The following KCNK2 variants were observed in gnomAD, a reference collection of about 807,000 sequenced individuals.
The protein encoded by KCNK2 is potassium channel subfamily K member 2.
In KCNK2, 21 loss-of-function variants were observed where a neutral mutation model predicts 40.5. The ratio of observed to expected loss-of-function variants is 0.52; its 90% confidence interval spans 0.37 to 0.75. KCNK2 has a LOEUF of 0.75. Ranked by LOEUF, KCNK2 falls within the 30% of genes least tolerant of loss-of-function variation. The pLI is 0.00. For missense variants in KCNK2, 399 were observed against 531.6 expected (o/e 0.75, Z 2.45); for synonymous variants, 191 against 202.2 (o/e 0.94, Z 0.47).
At chr1:215,064,321 G>A (rs566328660) in intron 1 of KCNK2, among the ~76,000 whole-genome samples, 4 of 151,756 alleles carry the variant, frequency 2.6e-5, no homozygotes, top group African/African-American at 4.8e-5. Flanking sequence ...GTGTGTGTAC[G>A]TGTTTTTGTT....
Position 215,148,080 on chromosome 1 carries a change from C to CTTTCTTT in KCNK2, c.476-21116_476-21115insCTTTTTT, listed in dbSNP as rs1553267720. ...ATTATTATTTTTTTATTTTCTTTTC[C>CTTTCTTT]TTTTTTTTTTTTTTTTTTGGCAGGG... On this transcript the variant is annotated intron_variant, in intron 3 of 6. Transcript: ENST00000444842. Among the ~76,000 whole-genome samples the CTTTCTTT allele has an allele frequency of 1.1e-3, 123 of 111,126 alleles. 11 individuals are homozygous for CTTTCTTT. Among genetic ancestry groups the CTTTCTTT allele is most frequent in the African/African-American group, 3.4e-3 (90 of 26,764 alleles). 72.9% of individuals were successfully genotyped at this position (111,126 alleles called of 152,430 possible). A position where few individuals can be genotyped will look rare whatever the true frequency, so the allele number is the denominator to read the frequency against.
chr1:215,161,703 T>A (rs998493985), intron 3 of KCNK2, among the ~76,000 whole-genome samples: 16 of 152,128 alleles, frequency 1.1e-4, no homozygotes, highest in Non-Finnish European at 2.4e-4. Flanking sequence ...CTGTGTTGCT[T>A]GCTGAGAATG....
At chr1:215,149,371 A>G (rs1662583302) in intron 3 of KCNK2, among the ~76,000 whole-genome samples, 1 of 152,170 alleles carries the variant, frequency 6.6e-6, no homozygotes, top group African/African-American at 2.4e-5. Flanking sequence ...GGAGAAGGAA[A>G]AGATTAAGGT....
At chr1:215,167,516 T>C (rs971651635) in intron 3 of KCNK2, among the ~76,000 whole-genome samples, 4 of 152,150 alleles carry the variant, frequency 2.6e-5, no homozygotes, top group Non-Finnish European at 5.9e-5. Flanking sequence ...ACAGTGCTTC[T>C]GCTATTAAAA....
chr1:215,209,455 A>T (rs1228455536), intron 6 of KCNK2, among the ~76,000 whole-genome samples: 7 of 20,540 alleles, frequency 3.4e-4, no homozygotes, highest in Non-Finnish European at 5.8e-4. Flanking sequence ...AATATATATT[A>T]TATATTATAT....
Position 215,235,765 on chromosome 1 carries a change from A to G in KCNK2, c.*620A>G, listed in dbSNP as rs1666856357. 6.6e-6 allele frequency: 1 copy of G among 152,626 alleles called. No homozygotes were observed. Among genetic ancestry groups the G allele is most frequent in the African/African-American group, 2.4e-5 (1 of 41,436 alleles). The allele number at this position is 152,626 out of a possible 1,614,324, so 9.5% of individuals were successfully genotyped here. On this transcript the variant is annotated 3_prime_UTR_variant, in exon 7 of 7. Coordinates refer to ENST00000444842, the MANE Select transcript of KCNK2 (RefSeq NM_001017425.3). ...CTTGCTGGAAACAGTGTGTAAAATGACTGAAGTGATGATGCCCGAAGATGA... is the reference window on the plus strand; with the variant it reads ...CTTGCTGGAAACAGTGTGTAAAATGGCTGAAGTGATGATGCCCGAAGATGA...
chr1:215,185,846 A>G (rs1267932920), intron 5 of KCNK2, among the ~76,000 whole-genome samples: 1 of 152,242 alleles, frequency 6.6e-6, no homozygotes, highest in Non-Finnish European at 1.5e-5. Context: ...GAGGAGGATC[A>G]GGGTTCAGCT....
chr1:215,070,500 T>A (rs1387030512), intron 1 of KCNK2, among the ~76,000 whole-genome samples: 3 of 146,892 alleles, frequency 2.0e-5, no homozygotes, highest in African/African-American at 7.5e-5. Context: ...GGCCTCACAA[T>A]CATGGCTGAA....
rs375480163 is a variant in KCNK2 at position 215,083,363 on chromosome 1, A to T, written c.-23A>T. On this transcript the variant is annotated 5_prime_UTR_variant, in exon 1 of 7. Coordinates refer to ENST00000444842, the MANE Select transcript of KCNK2 (RefSeq NM_001017425.3). ...GCTTCAAGTCCGTCTTTTTCAAAAA[A>T]CATTTTGAATGCTGCATGCCTCATG... The T allele has an allele frequency of 5.6e-6, 9 of 1,613,950 alleles. No individual in the cohort carries two copies. The African/African-American group carries it at 1.2e-4, about 22-fold the overall frequency.
At position 215,083,775 on chromosome 1, in the gene KCNK2, T is replaced by C; in HGVS notation, c.46+344T>C. 7.8e-6 allele frequency: 3 copies of C among 386,974 alleles called. No individual in the cohort carries two copies. In the South Asian group the frequency reaches 1.1e-4, roughly 14 times the overall value. The allele number at this position is 386,974 out of a possible 1,614,324, so 24.0% of individuals were successfully genotyped here. On this transcript the variant is annotated intron_variant, in intron 1 of 6. Transcript: ENST00000444842. The stretch of plus-strand genomic sequence containing the variant: ...GACCCCGGTCACACTTGTTGCCCAT[T>C]GCCTGGTGGGACAGGCAGTGGTGCT...
chr1:215,054,840 TC>T, intron 1 of KCNK2, among the ~76,000 whole-genome samples: 1 of 152,360 alleles, frequency 6.6e-6, no homozygotes, highest in Non-Finnish European at 1.5e-5. Flanking sequence ...AAATTGTTTT[TC>T]ATTTTTTCTA....
intron 1 of KCNK2, among the ~76,000 whole-genome samples, chr1:215,068,080 A>G (rs1658620460): frequency 1.4e-5 from 2 of 147,274 alleles, no homozygotes; most frequent in African/African-American, 5.0e-5. Context: ...TTGGAAATGT[A>G]TCTCCCCAGC....
At chr1:215,173,141 C>T (rs1159996550) in intron 5 of KCNK2, among the ~76,000 whole-genome samples, 1 of 152,042 alleles carries the variant, frequency 6.6e-6, no homozygotes, top group Non-Finnish European at 1.5e-5. Context: ...CACAACAGGC[C>T]CTGGTGTGTG....
At chr1:215,055,312 C>T (rs1658120663) in intron 1 of KCNK2, among the ~76,000 whole-genome samples, 1 of 152,134 alleles carries the variant, frequency 6.6e-6, no homozygotes, top group Non-Finnish European at 1.5e-5. Flanking sequence ...AGAATGTGTT[C>T]CCATTTCACA....
chr1:215,230,030 T>C (rs547196694), intron 6 of KCNK2, among the ~76,000 whole-genome samples: 54 of 146,268 alleles, frequency 3.7e-4, no homozygotes, highest in Middle Eastern at 3.5e-3. Context: ...TATATATATA[T>C]ACATATATAG....
intron 3 of KCNK2, among the ~76,000 whole-genome samples, chr1:215,157,656 A>G (rs1180400477): frequency 6.6e-6 from 1 of 152,234 alleles, no homozygotes; most frequent in Non-Finnish European, 1.5e-5. Flanking sequence ...TTGCTGTGAT[A>G]GTACTATTTT....
chr1:215,007,303 C>T (rs913802691), intron 1 of KCNK2, among the ~76,000 whole-genome samples: 2 of 145,820 alleles, frequency 1.4e-5, no homozygotes, highest in East Asian at 2.0e-4. Context: ...ACTTCTGGAG[C>T]CCCCTTTGCT....
At position 215,172,068 on chromosome 1, in the gene KCNK2, C is replaced by A. The variant is rs752409691; in HGVS notation, c.708C>A (p.Leu236=). The A allele has an allele frequency of 5.6e-6, 9 of 1,613,372 alleles. No homozygotes were observed. The South Asian group carries it at 8.8e-5, about 16-fold the overall frequency. Residue 236 remains leucine, a synonymous_variant, in exon 5 of 7, where the codon CTC becomes CTA. Coordinates refer to ENST00000444842, the MANE Select transcript of KCNK2 (RefSeq NM_001017425.3). ...TATTTATACTATTTGGCTGTGTACT[C>A]TTTGTGGCTCTGCCTGCGATCATAT... ...TIIFILFGCV[L]FVALPAIIFK...
chr1:215,163,545 G>A (rs984315873), intron 3 of KCNK2, among the ~76,000 whole-genome samples: 10 of 152,086 alleles, frequency 6.6e-5, no homozygotes, highest in African/African-American at 1.9e-4. Context: ...GTGTGATATT[G>A]GCTGTGGGTT....
Sources: allele counts gnomAD v4.1 joint callset (sites outside exome capture counted in the v4.1 genomes callset), GRCh38; gene constraint gnomAD v4.1.1; transcripts MANE v1.5; gene names NCBI Gene and HGNC (gene_info 2026-07-23, HGNC 2026-07-21).